Variants in WLS observed in about 807,000 individuals in gnomAD.
WLS encodes the protein Wnt ligand secretion mediator.
In WLS, 23 loss-of-function variants were observed where a neutral mutation model predicts 62.8. That is an observed-to-expected ratio of 0.37 (90% confidence interval 0.26 to 0.52). WLS has a LOEUF of 0.52. WLS is among the 20% of genes least tolerant of loss of function. The probability of loss-of-function intolerance (pLI) is 0.92; values close to 1 mark genes in which losing one functional copy is unlikely to be tolerated. For synonymous variants in WLS, 246 were observed against 244.1 expected, an observed-to-expected ratio of 1.01 and a Z score of -0.07; for missense variants, 615 against 697.3, an observed-to-expected ratio of 0.88 and a Z score of 1.33.
chr1:68,224,076 G>A (rs1359209855), intron 1 of WLS, among the ~76,000 whole-genome samples: 1 of 152,186 alleles, frequency 6.6e-6, no homozygotes, highest in Non-Finnish European at 1.5e-5. Context: ...TTGGAAATGT[G>A]TATCTGTGGA....
At chr1:68,210,090 A>C (rs1430963991) in intron 1 of WLS, among the ~76,000 whole-genome samples, 1 of 152,220 alleles carries the variant, frequency 6.6e-6, no homozygotes, top group African/African-American at 2.4e-5. Context: ...ACTCAGCAGT[A>C]TGGATGTCTT....
intron 2 of WLS, among the ~76,000 whole-genome samples, chr1:68,178,642 G>T (rs1449648773): frequency 2.0e-5 from 3 of 150,750 alleles, no homozygotes; most frequent in Non-Finnish European, 4.4e-5. Context: ...GGAGGGGGAG[G>T]TTGCGGTGAG....
At chr1:68,123,551 G>A (rs1646388560), downstream of WLS, among the ~76,000 whole-genome samples, 1 of 151,936 alleles carries the variant, frequency 6.6e-6, no homozygotes, top group Admixed American at 6.5e-5. Context: ...TTTCCTCAAA[G>A]AGATGGCTTT....
chr1:68,112,725 G>T (rs754908907), intron 11 of WLS, among the ~76,000 whole-genome samples: 3 of 152,122 alleles, frequency 2.0e-5, no homozygotes, highest in Admixed American at 1.3e-4. Context: ...CCGACTGCAC[G>T]GTTCATGTAT....
intron 11 of WLS, among the ~76,000 whole-genome samples, chr1:68,109,459 A>G (rs775584547): frequency 1.3e-4 from 20 of 152,266 alleles, no homozygotes; most frequent in Non-Finnish European, 2.6e-4. Context: ...TAAGAACTTT[A>G]AATGTTGGAA....
chr1:68,153,325 A>C (rs527619899), intron 5 of WLS, among the ~76,000 whole-genome samples, 192 bp downstream of exon 5: 64 of 152,192 alleles, frequency 4.2e-4, no homozygotes, highest in African/African-American at 1.5e-3. Context: ...GAGAGGTAGA[A>C]CCCCGAGGAT....
In WLS at chr1:68,125,817, G is replaced by T; in HGVS notation, c.*409C>A. The T allele has an allele frequency of 9.9e-7, 1 of 1,006,396 alleles. No homozygotes were observed. Among genetic ancestry groups the T allele is most frequent in the Non-Finnish European group, 1.2e-6 (1 of 842,800 alleles). 62.3% of individuals were successfully genotyped at this position (1,006,396 alleles called of 1,614,324 possible). On this transcript the variant is annotated 3_prime_UTR_variant, in exon 12 of 12. Transcript: ENST00000262348. ...GCCTACCTTGGACTGGGACCGCAAA[G>T]GATGTTAAAATCTATCCTAGAATTT...
In WLS at chr1:68,218,402, T is replaced by C. The variant is rs112793813; in HGVS notation, c.106+13792A>G. On this transcript the variant is annotated intron_variant, in intron 1 of 11. Coordinates refer to ENST00000262348, the MANE Select transcript of WLS (RefSeq NM_024911.7). ...CCAAGTCTGGAACTGGAATCATCTA[T>C]ATTTCTCTGAACCAGTACAACTAGG... is the stretch of plus-strand genomic sequence containing the variant. Among the ~76,000 whole-genome samples the C allele has an allele frequency of 3.4e-3, 518 of 152,278 alleles. 7 individuals carry two copies. Among genetic ancestry groups the C allele is most frequent in the African/African-American group, 0.012 (498 of 41,542 alleles).
chr1:68,150,190 T>C lies in WLS; in HGVS notation c.970A>G (p.Met324Val). The change falls in exon 6 of 12, where the codon ATG becomes GTG. Residue 324 changes from methionine (M) to valine (V), a missense_variant and splice_region_variant. Met to Val is a conservative substitution (Grantham distance 21). Coordinates refer to ENST00000262348, the MANE Select transcript of WLS (RefSeq NM_024911.7). Reference protein sequence around the residue: ...FWIIFCGEHMMDQHERNHIAG... With the variant: ...FWIIFCGEHMVDQHERNHIAG... ...CTGTCCCTCCCGGCGGCTCTTACCA[T>C]CATGTGCTCGCCACAGAAGATGATC... is the stretch of plus-strand genomic sequence containing the variant. 6.2e-7 allele frequency: 1 copy of C among 1,614,022 alleles called. No individual in the cohort carries two copies. The highest frequency in any genetic ancestry group is 8.5e-7 in the Non-Finnish European group (1 of 1,179,982).
intron 2 of WLS, among the ~76,000 whole-genome samples, chr1:68,171,825 AG>A (rs1161587005): frequency 1.3e-5 from 2 of 152,244 alleles, no homozygotes; most frequent in African/African-American, 4.8e-5. Context: ...ATATACCCAA[AG>A]GATTATAAAT....
At chr1:68,111,815 C>T (rs1261456023) in intron 11 of WLS, among the ~76,000 whole-genome samples, 1 of 152,130 alleles carries the variant, frequency 6.6e-6, no homozygotes, top group Non-Finnish European at 1.5e-5. Context: ...TGGTGTATGT[C>T]CTGCTTGGGG....
chr1:68,109,818 TAAAC>T (rs1419614507), intron 11 of WLS, among the ~76,000 whole-genome samples: 2 of 151,938 alleles, frequency 1.3e-5, no homozygotes, highest in Admixed American at 6.6e-5. Flanking sequence ...AAAGGGATTT[TAAAC>T]AATCATATAA....
chr1:68,212,415 G>A (rs1367340347), intron 1 of WLS, among the ~76,000 whole-genome samples: 1 of 152,148 alleles, frequency 6.6e-6, no homozygotes, highest in African/African-American at 2.4e-5. Flanking sequence ...AGAACAAAGG[G>A]TTTTAAAAGA....
At chr1:68,172,338 C>T (rs1336668463) in intron 2 of WLS, among the ~76,000 whole-genome samples, 2 of 151,022 alleles carry the variant, frequency 1.3e-5, no homozygotes, top group Non-Finnish European at 2.9e-5. Flanking sequence ...CAGAGAAGTT[C>T]CAAATGCTGT....
At chr1:68,155,626 G>T (rs995364608) in intron 3 of WLS, among the ~76,000 whole-genome samples, 4 of 152,158 alleles carry the variant, frequency 2.6e-5, no homozygotes, top group Admixed American at 6.5e-5. Context: ...TATCTGCAGT[G>T]TGTTGTCAGG....
intron 1 of WLS, among the ~76,000 whole-genome samples, chr1:68,227,929 A>G (rs189179330): frequency 2.6e-4 from 40 of 152,344 alleles, no homozygotes; most frequent in African/African-American, 9.4e-4. Context: ...CAACTTCCAA[A>G]TAAACAACAG....
chr1:68,147,461 G>A (rs76428665), intron 8 of WLS, among the ~76,000 whole-genome samples: 6,335 of 152,264 alleles, frequency 0.042, 187 homozygotes, highest in Non-Finnish European at 0.063. Context: ...AGCCATCAAG[G>A]AAGAATACAA....
Position 68,178,705 on chromosome 1 carries a change from C to CAA in WLS, c.379+15248_379+15249dup, listed in dbSNP as rs376126398. On this transcript the variant is annotated intron_variant, in intron 2 of 11. Coordinates refer to ENST00000262348, the MANE Select transcript of WLS (RefSeq NM_024911.7). Reference sequence around the variant, plus strand: ...TAAGCAACAGATCGAGACTACATTTCAAAAAAAAAAAAAAGAAAAGAAAAG... The same window carrying CAA: ...TAAGCAACAGATCGAGACTACATTTCAAAAAAAAAAAAAAAAGAAAAGAAAAG... Among the ~76,000 whole-genome samples the CAA allele has an allele frequency of 1.8e-4, 19 of 108,228 alleles. 1 individual carries two copies. Among genetic ancestry groups the CAA allele is most frequent in the African/African-American group, 5.1e-4 (16 of 31,426 alleles). The allele number at this position is 108,228 out of a possible 152,430, so 71.0% of individuals were successfully genotyped here.
rs1000136811 is a variant in WLS at position 68,193,479 on chromosome 1, T to A, written c.379+476A>T. Among the ~76,000 whole-genome samples the A allele has an allele frequency of 4.5e-5, 6 of 133,142 alleles. No homozygotes were observed. In the Admixed American group the frequency reaches 5.0e-4, roughly 11 times the overall value. 87.3% of individuals were successfully genotyped at this position (133,142 alleles called of 152,430 possible). A position where few individuals can be genotyped will look rare whatever the true frequency, so the allele number is the denominator to read the frequency against. On this transcript the variant is annotated intron_variant, in intron 2 of 11. Transcript: ENST00000262348. The stretch of plus-strand genomic sequence containing the variant: ...CCTGGTTTGGTGGGGAAATGGGTGC[T>A]CATGGGTTGGCATTTCCATTTTGGT...
Sources: gnomAD v4.1 joint callset for allele counts (sites outside exome capture counted in the v4.1 genomes callset) on GRCh38, gnomAD v4.1.1 for gene constraint, MANE v1.5 for transcripts, NCBI Gene and HGNC (gene_info 2026-07-23, HGNC 2026-07-21) for gene names.